ZNF142: variants seen among roughly 807,000 people sequenced by gnomAD.
ZNF142 encodes zinc finger protein 142, also known as zinc finger protein 142 (clone pHZ-49).
Under a neutral mutation model 132.1 loss-of-function variants are expected in ZNF142, and 96 were observed. The ratio of observed to expected loss-of-function variants is 0.73; its 90% CI spans 0.62 to 0.86. The LOEUF is 0.86. Ranked by LOEUF, ZNF142 falls within the 40% of genes least tolerant of loss-of-function variation. ZNF142 has a pLI of 0.00. For synonymous variants in ZNF142, 842 were observed against 890.1 expected (o/e 0.95, Z 0.96); for missense variants, 2,163 against 2,336.2 (o/e 0.93, Z 1.53).
chr2:218,651,821 G>A lies in ZNF142; in HGVS notation c.760C>T (p.His254Tyr). 7.8e-7 allele frequency: 1 copy of A among 1,289,876 alleles called. No individual in the cohort carries two copies. Among genetic ancestry groups the A allele is most frequent in the South Asian group, 1.2e-5 (1 of 81,032 alleles). The allele number at this position is 1,289,876 out of a possible 1,614,324, so 79.9% of individuals were successfully genotyped here. The change falls in exon 5 of 11, where the codon CAC becomes TAC. Residue 254 changes from histidine to tyrosine, a missense_variant. His to Tyr is a moderately conservative substitution (Grantham distance 83, BLOSUM62 2). Coordinates refer to ENST00000411696, the MANE Select transcript of ZNF142 (RefSeq NM_001379659.1). ...RQAHYPFHCS[H>Y]CSFIGSNVKL... is the part of the protein sequence containing the mutation. Reference sequence around the variant, plus strand: ...ACGTTGGAGCCTATGAAGCTGCAGTGGCTGCAGTGGAAAGGGTAATGCGCC... The same window carrying A: ...ACGTTGGAGCCTATGAAGCTGCAGTAGCTGCAGTGGAAAGGGTAATGCGCC...
At chr2:218,658,946 C>T (rs2106304593) in intron 2 of ZNF142, 34 bp downstream of exon 2, 1 of 152,420 alleles carries the variant, frequency 6.6e-6, no homozygotes, top group South Asian at 2.1e-4. Flanking sequence ...GGCCTAGCGA[C>T]CCAGGTTCCC....
chr2:218,652,280 C>G lies in ZNF142; in HGVS notation c.301G>C (p.Glu101Gln). ...TCACAGCGCTCACAGAAGTACACCT[C>G]CACCACCTTTACCAGGACACCTGCA... ...ETPGVLVKVV[E>Q]VYFCERCEQS... is the part of the protein sequence containing the mutation. The change falls in exon 5 of 11, where the codon GAG (glutamate) becomes CAG (glutamine). Residue 101 changes from glutamate (E) to glutamine (Q), a missense_variant. Coordinates refer to ENST00000411696, the MANE Select transcript of ZNF142 (RefSeq NM_001379659.1). The G allele has an allele frequency of 2.2e-6, 1 of 457,056 alleles. No homozygotes were observed. The highest frequency in any genetic ancestry group is 4.4e-6 in the Non-Finnish European group (1 of 227,048). The allele number at this position is 457,056 out of a possible 1,614,324, so 28.3% of individuals were successfully genotyped here. A position where few individuals can be genotyped will look rare whatever the true frequency, so the allele number is the denominator to read the frequency against.
chr2:218,634,071 C>T lies in ZNF142; in HGVS notation c.*4268G>A, dbSNP rs1438766771. The T allele has an allele frequency of 6.4e-7, 1 of 1,574,150 alleles. No individual in the cohort carries two copies. The highest frequency in any genetic ancestry group is 1.3e-5 in the African/African-American group (1 of 74,078). On this transcript the variant is annotated 3_prime_UTR_variant, in exon 11 of 11. Coordinates refer to ENST00000411696, the MANE Select transcript of ZNF142 (RefSeq NM_001379659.1). This position sits in a 1 kb window ranked among gnomAD's most constrained non-coding sequence, Gnocchi z 4.0. ...GACTAGGGAAGTGGGAGATTCCACC[C>T]CACTTCCATCTCCCTCTCTATACCC...
chr2:218,639,717 G>A (rs1344919853), intron 10 of ZNF142, among the ~76,000 whole-genome samples: 2 of 131,116 alleles, frequency 1.5e-5, no homozygotes, highest in Admixed American at 9.2e-5. Context: ...GGGCAGCAGA[G>A]CAAGACCCTG....
chr2:218,644,194 C>A lies in ZNF142; in HGVS notation c.2922G>T (p.Glu974Asp). ...AGGTTCCTACCCAGTTGTTAGGAGC[C>A]TCCTCTAAGGATGGAGGATTTGTGG... ...EPSTNPPSLE[E>D]APNNWVGTFK... The change falls in exon 9 of 11, where the codon GAG becomes GAT. Residue 974 changes from glutamate (E) to aspartate (D), a missense_variant. Glu to Asp is a conservative substitution (Grantham distance 45, BLOSUM62 2). Coordinates refer to ENST00000411696, the MANE Select transcript of ZNF142 (RefSeq NM_001379659.1). This position sits in a 1 kb window ranked among gnomAD's most constrained non-coding sequence, Gnocchi z 4.6. 2 of 1,614,116 alleles carry A rather than the reference C, an allele frequency of 1.2e-6. No homozygotes were observed. Among genetic ancestry groups the A allele is most frequent in the Non-Finnish European group, 1.7e-6 (2 of 1,180,006 alleles).
rs373548986 is a variant in ZNF142, at chr2:218,636,328, T to C, written c.*2011A>G. Reference sequence around the variant, plus strand: ...TGCTGCGTTTTGTGGTAATGGATTATGACTGGAAATCCCGAAATGACTTTA... The same window carrying C: ...TGCTGCGTTTTGTGGTAATGGATTACGACTGGAAATCCCGAAATGACTTTA... On this transcript the variant is annotated 3_prime_UTR_variant, in exon 11 of 11. Transcript: ENST00000411696. 2.0e-5 allele frequency: 32 copies of C among 1,613,958 alleles called. No homozygotes were observed. The African/African-American group carries it at 3.9e-4, about 20-fold the overall frequency.
chr2:218,640,530 AC>A, intron 10 of ZNF142, 133 bp downstream of exon 10: 1 of 756,104 alleles, frequency 1.3e-6, no homozygotes, highest in South Asian at 1.7e-5. Flanking sequence ...GGCACATACA[AC>A]CCCACCCTGC....
Position 218,634,183 on chromosome 2 carries a change from A to G in ZNF142, c.*4156T>C. ...GGCCTGAGGACAGACTCTTCCAACT[A>G]CAACCCCCAGGAACTCTGGAATGCA... On this transcript the variant is annotated 3_prime_UTR_variant, in exon 11 of 11. Transcript: ENST00000411696. The surrounding 1 kb of genome is among the most constrained non-coding windows in gnomAD (Gnocchi z 4.0). 1 of 1,612,120 alleles carries G rather than the reference A, an allele frequency of 6.2e-7. No homozygotes were observed. The highest frequency in any genetic ancestry group is 8.5e-7 in the Non-Finnish European group (1 of 1,179,116).
At position 218,649,402 on chromosome 2, in the gene ZNF142, T is replaced by A. The variant is rs774015594; in HGVS notation, c.1106A>T (p.Lys369Met). ...LFKTHMCPEC[K>M]RCFKKRTHLV... ...ATGAGTCCGCTTCTTAAAGCAGCGC[T>A]TACACTCTGGACACATATGGGTCTT... Residue 369 changes from lysine to methionine, a missense_variant, in exon 7 of 11, where the codon AAG (lysine) becomes ATG (methionine). Lys to Met is a moderately conservative substitution (Grantham distance 95). Transcript: ENST00000411696. The A allele has an allele frequency of 3.8e-5, 62 of 1,613,308 alleles. No individual in the cohort carries two copies. Among genetic ancestry groups the A allele is most frequent in the Non-Finnish European group, 5.3e-5 (62 of 1,179,606 alleles).
rs1282412103 is a variant in ZNF142 at position 218,643,928 on chromosome 2, CG to C, written c.3187del (p.Arg1063GlufsTer24). On this transcript the variant is annotated frameshift_variant, in exon 9 of 11. Transcript: ENST00000411696. LOFTEE classifies it high-confidence loss of function. ...ACACTCGGGGCACAGCAGGGGCTCTCGGCGGCCTTGGCACCCAGTCCTGGAG... is the reference window on the plus strand; with the variant it reads ...ACACTCGGGGCACAGCAGGGGCTCTCGCGGCCTTGGCACCCAGTCCTGGAG... ...LHSRTGCQGR[R>X]EPLLCPECGA... 6.2e-7 allele frequency: 1 copy of C among 1,613,964 alleles called. No homozygotes were observed. Among genetic ancestry groups the C allele is most frequent in the African/African-American group, 1.3e-5 (1 of 74,918 alleles).
intron 9 of ZNF142, among the ~76,000 whole-genome samples, chr2:218,641,450 T>C (rs1011816069): frequency 6.7e-6 from 1 of 150,304 alleles, no homozygotes; most frequent in Non-Finnish European, 1.5e-5. Flanking sequence ...TTCACAGTGT[T>C]AGCCAGGATG....
chr2:218,656,018 A>C, intron 4 of ZNF142, 132 bp downstream of exon 4: 2 of 1,206,452 alleles, frequency 1.7e-6, no homozygotes. Flanking sequence ...TGCAAACCAA[A>C]TGACAACATC....
At chr2:218,654,981 T>C (rs1346377084) in intron 4 of ZNF142, among the ~76,000 whole-genome samples, 1 of 151,948 alleles carries the variant, frequency 6.6e-6, no homozygotes, top group Non-Finnish European at 1.5e-5. Context: ...CCCAGCTACA[T>C]GGGAAGCTGA....
rs758562941 is a variant in ZNF142, at chr2:218,640,779, G to A, written c.5089-10C>T. ...GGATCCGCATGTGGTACTGGAAGAGGCAAGAGCAAAAAGCAGAAAATATAG... is the reference window on the plus strand; with the variant it reads ...GGATCCGCATGTGGTACTGGAAGAGACAAGAGCAAAAAGCAGAAAATATAG... On this transcript the variant is annotated splice_polypyrimidine_tract_variant and intron_variant, in intron 9 of 10. Transcript: ENST00000411696. 4.3e-6 allele frequency: 7 copies of A among 1,612,526 alleles called. No homozygotes were observed. The South Asian group carries it at 7.7e-5, about 18-fold the overall frequency.
At position 218,643,333 on chromosome 2, in the gene ZNF142, GGTCCCTCGTTTTCCTCCCCCGCCAC is replaced by G; in HGVS notation, c.3758_3782del (p.Arg1253ProfsTer11). Reference sequence around the variant, plus strand: ...GGGACACATCAGGCTGGGTCTGGGGGGTCCCTCGTTTTCCTCCCCCGCCACGTCCCCCCCTGCAGCCTTCAGCCAC... The same window carrying G: ...GGGACACATCAGGCTGGGTCTGGGGGGTCCCCCCCTGCAGCCTTCAGCCAC... On this transcript the variant is annotated frameshift_variant, in exon 9 of 11. Coordinates refer to ENST00000411696, the MANE Select transcript of ZNF142 (RefSeq NM_001379659.1). LOFTEE classifies it high-confidence loss of function. 1 of 1,614,190 alleles carries G rather than the reference GGTCCCTCGTTTTCCTCCCCCGCCAC, an allele frequency of 6.2e-7. No homozygotes were observed.
chr2:218,657,032 G>A (rs1399367953), intron 3 of ZNF142, among the ~76,000 whole-genome samples: 1 of 152,100 alleles, frequency 6.6e-6, no homozygotes, highest in East Asian at 1.9e-4. Context: ...TGGCCAGGCT[G>A]GTCTCGAACT....
intron 3 of ZNF142, among the ~76,000 whole-genome samples, chr2:218,658,258 G>C (rs1559309754): frequency 6.6e-6 from 1 of 152,220 alleles, no homozygotes; most frequent in Non-Finnish European, 1.5e-5. Flanking sequence ...GAAGAAACCA[G>C]GCCGGGCGCG....
chr2:218,643,594 C>A lies in ZNF142; in HGVS notation c.3522G>T (p.Glu1174Asp). The A allele has an allele frequency of 6.4e-7, 1 of 1,570,968 alleles. No homozygotes were observed. Among genetic ancestry groups the A allele is most frequent in the South Asian group, 1.2e-5 (1 of 83,830 alleles). The stretch of plus-strand genomic sequence containing the variant: ...GGTCAAAGCAGTGCTTCTTAGGGGC[C>A]TCTGTGGGCAAGGAGTTTCCTGCAG... ...VPPAGNSLPT[E>D]APKKHCFDPV... The change falls in exon 9 of 11, where the codon GAG (glutamate) becomes GAT (aspartate). Residue 1174 changes from glutamate (E) to aspartate (D), a missense_variant. Coordinates refer to ENST00000411696, the MANE Select transcript of ZNF142 (RefSeq NM_001379659.1).
rs753246596 is a variant in ZNF142 at position 218,642,537 on chromosome 2, G to T, written c.4579C>A (p.Pro1527Thr). Residue 1527 changes from proline to threonine, a missense_variant, in exon 9 of 11, where the codon CCC (proline) becomes ACC (threonine). This residue lies in a region of ZNF142 where 809 missense variants were observed against 801.7 expected (regional missense o/e 1.01). Coordinates refer to ENST00000411696, the MANE Select transcript of ZNF142 (RefSeq NM_001379659.1). The surrounding 1 kb of genome is among the most constrained non-coding windows in gnomAD (Gnocchi z 4.6). Reference sequence around the variant, plus strand: ...AACCCACAGCGGGAACAGTGCAGGGGGCCCTCAGTGGTCTCTGCAGGAGAG... The same window carrying T: ...AACCCACAGCGGGAACAGTGCAGGGTGCCCTCAGTGGTCTCTGCAGGAGAG... The part of the protein sequence containing the change: ...PGSPAETTEG[P>T]LHCSRCGLLC... 1 of 1,611,566 alleles carries T rather than the reference G, an allele frequency of 6.2e-7. No homozygotes were observed. Among genetic ancestry groups the T allele is most frequent in the Non-Finnish European group, 8.5e-7 (1 of 1,178,660 alleles).
Sources: gnomAD v4.1 joint callset for allele counts (sites outside exome capture counted in the v4.1 genomes callset) on GRCh38, gnomAD v4.1.1 for gene constraint, gnomAD v4.1.1 regional missense constraint, Gnocchi (gnomAD v3.1) non-coding constraint, MANE v1.5 for transcripts, NCBI Gene and HGNC (gene_info 2026-07-23, HGNC 2026-07-21) for gene names.